BCORL1: variants seen among roughly 807,000 people sequenced by gnomAD.
BCORL1 encodes the protein BCL6 corepressor like 1.
A neutral mutation model predicts 87.6 loss-of-function variants in BCORL1; 7 were observed. The observed-to-expected ratio is 0.08, with a 90% CI of 0.05 to 0.15. BCORL1 has a LOEUF of 0.15. BCORL1 is among the 10% of genes least tolerant of loss of function. The probability of loss-of-function intolerance (pLI) is 1.00; values close to 1 mark genes in which losing one functional copy is unlikely to be tolerated. For synonymous variants in BCORL1, 591 were observed against 634.4 expected (o/e 0.93, Z 1.03); for missense variants, 1,215 against 1,499.7 (o/e 0.81, Z 3.13).
rs776360677 is a variant in BCORL1, at chrX:130,022,929, C to T, written c.3640C>T (p.Arg1214Cys). Residue 1214 changes from arginine to cysteine, a missense_variant, in exon 6 of 14, where the codon CGT (arginine) becomes TGT (cysteine). Arg to Cys is a radical substitution (Grantham distance 180). Transcript: ENST00000540052. ...SLEKKAKSSF[R>C]DFIPVVLSTR... Reference sequence around the variant, plus strand: ...GGAAAAGAAAGCAAAGAGCAGTTTCCGTGACTTTATTCCTGTGGTTCTGAG... The same window carrying T: ...GGAAAAGAAAGCAAAGAGCAGTTTCTGTGACTTTATTCCTGTGGTTCTGAG... 5 of 1,210,166 alleles carry T rather than the reference C, an allele frequency of 4.1e-6. No homozygotes were observed. Among genetic ancestry groups the T allele is most frequent in the South Asian group, 1.8e-5 (1 of 56,873 alleles).
intron 6 of BCORL1, among the ~76,000 whole-genome samples, chrX:130,023,852 C>A (rs1196774419): frequency 4.4e-5 from 5 of 112,819 alleles, no homozygotes; most frequent in Non-Finnish European, 7.5e-5. Context: ...ATTAGATTAA[C>A]CAGAACACTT....
chrX:130,021,311 T>A (rs1929791186), intron 5 of BCORL1, 161 bp downstream of exon 5: 2 of 753,390 alleles, frequency 2.7e-6, no homozygotes, highest in Non-Finnish European at 3.1e-6. Context: ...AAGTCTAAGG[T>A]GAGCGAGCAA....
At chrX:130,032,529 G>A (rs1163579751) in intron 8 of BCORL1, among the ~76,000 whole-genome samples, 1 of 111,461 alleles carries the variant, frequency 9.0e-6, no homozygotes, top group African/African-American at 3.3e-5. Context: ...ACATAGGTCA[G>A]CCCTACTCAC....
In BCORL1 at chrX:130,056,518, C is replaced by G. The variant is rs887254800; in HGVS notation, c.*382C>G. 6 of 149,120 alleles carry G rather than the reference C, an allele frequency of 4.0e-5. No individual in the cohort carries two copies. The highest frequency in any genetic ancestry group is 1.9e-4 in the African/African-American group (6 of 32,207). The allele number at this position is 149,120 out of a possible 1,213,427, so 12.3% of individuals were successfully genotyped here. A position where few individuals can be genotyped will look rare whatever the true frequency, so the allele number is the denominator to read the frequency against. On this transcript the variant is annotated 3_prime_UTR_variant, in exon 14 of 14. Transcript: ENST00000540052. ...GTCCCGAGGAGAAATGAGAAAATCC[C>G]AGATCTCTGAGCGCCCCCCAACTCC...
At chrX:130,033,363 G>A (rs1223655287) in intron 8 of BCORL1, among the ~76,000 whole-genome samples, 2 of 111,818 alleles carry the variant, frequency 1.8e-5, no homozygotes, top group East Asian at 2.8e-4. Context: ...GATTATAGGC[G>A]TGAGCCACCG....
At position 130,015,529 on chromosome X, in the gene BCORL1, C is replaced by T; in HGVS notation, c.2757C>T (p.Val919=). The T allele has an allele frequency of 8.2e-7, 1 of 1,212,324 alleles. No individual in the cohort carries two copies. Among genetic ancestry groups the T allele is most frequent in the Non-Finnish European group, 1.1e-6 (1 of 895,609 alleles). The part of the protein sequence containing the change: ...RIAAKPYEEQ[V]NPVLLTLSPQ... The stretch of plus-strand genomic sequence containing the variant: ...CTGCCAAGCCTTATGAAGAACAAGT[C>T]AATCCTGTCCTCTTGACCCTCAGCC... The change falls in exon 4 of 14, where the codon GTC becomes GTT. Residue 919 remains valine, a synonymous_variant. Transcript: ENST00000540052.
chrX:130,015,138 G>A lies in BCORL1; in HGVS notation c.2366G>A (p.Arg789His), dbSNP rs769770475. 6.6e-6 allele frequency: 8 copies of A among 1,211,027 alleles called. No homozygotes were observed. The highest frequency in any genetic ancestry group is 8.9e-6 in the Non-Finnish European group (8 of 895,406). Residue 789 changes from arginine (R) to histidine (H), a missense_variant, in exon 4 of 14, where the codon CGC (arginine) becomes CAC (histidine). Coordinates refer to ENST00000540052, the MANE Select transcript of BCORL1 (RefSeq NM_001379451.1). ...ACAGTGAAACGATATACTCCAGCCC[G>A]CATTGCCCCTGGGCTGCCAGGGTGC... Reference protein sequence around the residue: ...PSTVKRYTPARIAPGLPGCQT... With the variant: ...PSTVKRYTPAHIAPGLPGCQT...
chrX:130,015,407 G>A lies in BCORL1; in HGVS notation c.2635G>A (p.Glu879Lys), dbSNP rs754027834. Residue 879 changes from glutamate to lysine, a missense_variant, in exon 4 of 14, where the codon GAA becomes AAA. Around this residue, in one of 5 missense-constraint regions of BCORL1, gnomAD observed 861 missense variants for 1,010.0 expected, o/e 0.85. Transcript: ENST00000540052. ...TGGTGTGCCATCTCTCAGCTCCAGC[G>A]AAGCCGTGCACGGACTTCCTGAGGG... ...FSGVPSLSSS[E>K]AVHGLPEGQP... The A allele has an allele frequency of 1.2e-5, 14 of 1,210,958 alleles. No individual in the cohort carries two copies. Among genetic ancestry groups the A allele is most frequent in the African/African-American group, 1.0e-4 (6 of 57,477 alleles).
chrX:130,021,923 G>A (rs180948001), intron 5 of BCORL1, among the ~76,000 whole-genome samples: 15 of 111,806 alleles, frequency 1.3e-4, no homozygotes, highest in Admixed American at 2.8e-4. Flanking sequence ...GAGTAGCTGG[G>A]ACCACAGGCA....
chrX:129,990,445 A>G (rs1214131516), intron 1 of BCORL1, among the ~76,000 whole-genome samples: 1 of 109,290 alleles, frequency 9.1e-6, no homozygotes, highest in Non-Finnish European at 1.9e-5. Flanking sequence ...GTTAGCCAGG[A>G]TGGTCTCAAT....
rs746401496 is a variant in BCORL1, at chrX:130,016,071, C to T, written c.3299C>T (p.Ala1100Val). The change falls in exon 4 of 14, where the codon GCT becomes GTT. Residue 1100 changes from alanine (A) to valine (V), a missense_variant. Physicochemically the swap from Ala to Val is moderately conservative, Grantham distance 64. Around this residue, in one of 5 missense-constraint regions of BCORL1, gnomAD observed 861 missense variants for 1,010.0 expected, o/e 0.85. Transcript: ENST00000540052. ...RVKQESVGVF[A>V]CKNKWQPDDV... Reference sequence around the variant, plus strand: ...AAACAGGAAAGCGTAGGGGTCTTTGCTTGCAAGAACAAGTGGCAGCCAGAT... The same window carrying T: ...AAACAGGAAAGCGTAGGGGTCTTTGTTTGCAAGAACAAGTGGCAGCCAGAT... The T allele has an allele frequency of 8.3e-7, 1 of 1,211,630 alleles. No individual in the cohort carries two copies. The highest frequency in any genetic ancestry group is 1.1e-6 in the Non-Finnish European group (1 of 895,560).
At chrX:130,025,412 G>T in intron 7 of BCORL1, 33 bp downstream of exon 7, 2 of 1,117,225 alleles carry the variant, frequency 1.8e-6, no homozygotes, top group Non-Finnish European at 2.4e-6. Flanking sequence ...CTGTCGCCGC[G>T]GCCCGTTTGG....
intron 4 of BCORL1, among the ~76,000 whole-genome samples, chrX:130,019,153 C>T (rs757475868): frequency 8.9e-6 from 1 of 112,538 alleles, no homozygotes; most frequent in South Asian, 3.7e-4. Flanking sequence ...ATCCTCCCAA[C>T]TTCATGCATA....
At chrX:130,047,460 CT>C (rs1271119362) in intron 11 of BCORL1, among the ~76,000 whole-genome samples, 1 of 112,255 alleles carries the variant, frequency 8.9e-6, no homozygotes, top group Non-Finnish European at 1.9e-5. Flanking sequence ...CCTGTTTGAG[CT>C]TTAGCTTCTT....
intron 1 of BCORL1, among the ~76,000 whole-genome samples, chrX:129,993,923 TAC>T (rs1336777884): frequency 2.7e-5 from 1 of 36,526 alleles, no homozygotes; most frequent in Non-Finnish European, 7.5e-5. Flanking sequence ...TAGCTGGGAT[TAC>T]AGATGCCCCC....
intron 5 of BCORL1, among the ~76,000 whole-genome samples, chrX:130,021,502 G>A (rs1005635153): frequency 1.8e-5 from 2 of 112,190 alleles, no homozygotes; most frequent in East Asian, 2.8e-4. Flanking sequence ...GGTTCATTAC[G>A]CTGTCTTCTT....
At chrX:130,040,238 C>T (rs1931228636) in intron 11 of BCORL1, among the ~76,000 whole-genome samples, 1 of 112,324 alleles carries the variant, frequency 8.9e-6, no homozygotes, top group Non-Finnish European at 1.9e-5. Context: ...CCTCTTCTCA[C>T]CCAGACTTTG....
chrX:130,012,840 C>T (rs191702349), intron 3 of BCORL1, 110 bp from the exon 4 acceptor site: 16 of 1,104,843 alleles, frequency 1.4e-5, no homozygotes, highest in Middle Eastern at 3.0e-4. Context: ...TCTTCCGAGA[C>T]CTGGTTGGTC....
chrX:129,984,202 T>C (rs1224677274), intron 1 of BCORL1, among the ~76,000 whole-genome samples: 2 of 103,370 alleles, frequency 1.9e-5, no homozygotes, highest in East Asian at 6.3e-4. Flanking sequence ...CTGCTGCTCC[T>C]GCTGGGGCCG....
Sources: allele counts gnomAD v4.1 joint callset (sites outside exome capture counted in the v4.1 genomes callset), GRCh38; gene constraint gnomAD v4.1.1; regional missense constraint gnomAD v4.1.1; transcripts MANE v1.5; gene names NCBI Gene and HGNC (gene_info 2026-07-23, HGNC 2026-07-21).